Variants in FBXL7 observed in about 807,000 individuals in gnomAD.
The protein encoded by FBXL7 is F-box and leucine rich repeat protein 7, also known as F-box/LRR-repeat protein 7.
In FBXL7, 12 loss-of-function variants were observed where a neutral mutation model predicts 38.3. The ratio of observed to expected loss-of-function variants is 0.31; its 90% confidence interval spans 0.20 to 0.51. FBXL7 has a LOEUF of 0.51. Among genes scored for constraint, FBXL7 ranks in the 20% least tolerant of loss-of-function variants. The pLI is 0.98. For synonymous variants in FBXL7, 297 were observed against 300.9 expected, an observed-to-expected ratio of 0.99 and a Z score of 0.13; for missense variants, 567 against 676.4, an observed-to-expected ratio of 0.84 and a Z score of 1.79.
intron 1 of FBXL7, among the ~76,000 whole-genome samples, chr5:15,503,662 A>G (rs1391705793): frequency 6.6e-6 from 1 of 152,110 alleles, no homozygotes. Flanking sequence ...CTGTGAATCC[A>G]CTGTGATTCT....
chr5:15,799,848 T>G (rs939739041), intron 2 of FBXL7, among the ~76,000 whole-genome samples: 5 of 152,208 alleles, frequency 3.3e-5, no homozygotes, highest in African/African-American at 1.2e-4. Context: ...CATGAGAAAG[T>G]TGACCAGTTC....
At chr5:15,651,227 G>A (rs141910572) in intron 2 of FBXL7, among the ~76,000 whole-genome samples, 3,730 of 151,340 alleles carry the variant, frequency 0.025, 79 homozygotes, top group East Asian at 0.051. Flanking sequence ...CTCCTGAGTA[G>A]CTGGGACTAC....
Position 15,613,035 on chromosome 5 carries a change from A to T in FBXL7, c.38-2948A>T, listed in dbSNP as rs568677376. On this transcript the variant is annotated intron_variant, in intron 1 of 3. Coordinates refer to ENST00000504595, the MANE Select transcript of FBXL7 (RefSeq NM_012304.5). ...TATTATTGAATCAGAGCTAGAGCAT[A>T]TGGAGTTTATTTCTAGTTTTCCATT... Among the ~76,000 whole-genome samples the T allele has an allele frequency of 2.0e-5, 3 of 152,296 alleles. No individual in the cohort carries two copies. The South Asian group carries it at 6.2e-4, about 32-fold the overall frequency.
intron 1 of FBXL7, among the ~76,000 whole-genome samples, chr5:15,581,627 T>G (rs1739143512): frequency 6.6e-6 from 1 of 152,234 alleles, no homozygotes. Context: ...TTGAAACACT[T>G]AAGTCCTACT....
intron 2 of FBXL7, among the ~76,000 whole-genome samples, chr5:15,769,000 G>T (rs1736663162): frequency 6.6e-6 from 1 of 152,112 alleles, no homozygotes; most frequent in Non-Finnish European, 1.5e-5. Context: ...CCAAAATATT[G>T]GCATGATATT....
chr5:15,584,214 T>G (rs1388392449), intron 1 of FBXL7, among the ~76,000 whole-genome samples: 1 of 152,190 alleles, frequency 6.6e-6, no homozygotes, highest in African/African-American at 2.4e-5. Context: ...TGGGAGGGAC[T>G]GCGGTGAAAG....
chr5:15,935,320 G>T (rs1182519439), intron 3 of FBXL7: 1 of 442,620 alleles, frequency 2.3e-6, no homozygotes, highest in East Asian at 6.2e-5. Context: ...GTGGGGAATC[G>T]ACTGTAGGAG....
rs190924005 is a variant in FBXL7, at chr5:15,713,862, C to G, written c.127+97790C>G. Among the ~76,000 whole-genome samples, 7 of 152,260 alleles carry G rather than the reference C, an allele frequency of 4.6e-5. No homozygotes were observed. In the East Asian group the frequency reaches 1.4e-3, roughly 29 times the overall value. ...AAGTTTGGTGGATGATAAAAAGTCT[C>G]TATTATGTTACACTTAGCTGTACTT... On this transcript the variant is annotated intron_variant, in intron 2 of 3. Transcript: ENST00000504595.
intron 2 of FBXL7, among the ~76,000 whole-genome samples, chr5:15,662,614 AG>A (rs1400794569): frequency 2.0e-5 from 3 of 152,172 alleles, no homozygotes; most frequent in African/African-American, 7.2e-5. Flanking sequence ...ATTGTCTTCC[AG>A]GGTTTTTACA....
chr5:15,541,518 C>G lies in FBXL7; in HGVS notation c.37+40805C>G, dbSNP rs185921373. Among the ~76,000 whole-genome samples the G allele has an allele frequency of 4.8e-3, 620 of 129,898 alleles. 18 individuals are homozygous for G. Among genetic ancestry groups the G allele is most frequent in the African/African-American group, 0.018 (605 of 33,790 alleles). The allele number at this position is 129,898 out of a possible 152,430, so 85.2% of individuals were successfully genotyped here. ...ACAGAAGTATTGTTCCCATCTTACC[C>G]CCACCCCTATTCCCACTCACTCCTC... On this transcript the variant is annotated intron_variant, in intron 1 of 3. Transcript: ENST00000504595.
chr5:15,641,833 C>T (rs1189539144), intron 2 of FBXL7, among the ~76,000 whole-genome samples: 1 of 152,050 alleles, frequency 6.6e-6, no homozygotes, highest in Non-Finnish European at 1.5e-5. Context: ...TTGGATGGAT[C>T]TCCTCTAGTT....
rs569680507 is a variant in FBXL7 at position 15,863,277 on chromosome 5, T to C, written c.128-64613T>C. Among the ~76,000 whole-genome samples, 14 of 152,296 alleles carry C rather than the reference T, an allele frequency of 9.2e-5. 1 individual carries two copies. The highest frequency in any genetic ancestry group is 3.4e-4 in the African/African-American group (14 of 41,576). On this transcript the variant is annotated intron_variant, in intron 2 of 3. Coordinates refer to ENST00000504595, the MANE Select transcript of FBXL7 (RefSeq NM_012304.5). The stretch of plus-strand genomic sequence containing the variant: ...CTGAGGAAATCCCTAAAATTAAAGA[T>C]TTTCAGTGTTAACCTTTTCCACTTG...
chr5:15,850,746 A>C (rs1447407595), intron 2 of FBXL7, among the ~76,000 whole-genome samples: 2 of 152,176 alleles, frequency 1.3e-5, no homozygotes, highest in Admixed American at 6.5e-5. Context: ...TGTGACTTGA[A>C]ATCTGAATGT....
At chr5:15,606,520 G>A (rs1336871465) in intron 1 of FBXL7, among the ~76,000 whole-genome samples, 1 of 152,212 alleles carries the variant, frequency 6.6e-6, no homozygotes, top group South Asian at 2.1e-4. Context: ...CCCTGAGGCC[G>A]CTTATTAGAT....
At chr5:15,521,025 C>G (rs2126374056) in intron 1 of FBXL7, among the ~76,000 whole-genome samples, 1 of 152,298 alleles carries the variant, frequency 6.6e-6, no homozygotes, top group Non-Finnish European at 1.5e-5. Flanking sequence ...GTATGAGTTA[C>G]AACAGAGAGC....
At position 15,861,799 on chromosome 5, in the gene FBXL7, G is replaced by GGTC. The variant is rs760432013; in HGVS notation, c.128-66091_128-66090insGTC. 1.0e-3 allele frequency among the ~76,000 whole-genome samples: 153 copies of GGTC among 152,198 alleles called. 4 individuals carry two copies. Among genetic ancestry groups the GGTC allele is most frequent in the African/African-American group, 3.6e-3 (149 of 41,534 alleles). ...CTGGTGCAATGTGGCACATTGTTGG[G>GGTC]CTCCTTCTGAAAAACGTGGCACATG... On this transcript the variant is annotated intron_variant, in intron 2 of 3. Transcript: ENST00000504595.
chr5:15,928,574 C>T lies in FBXL7; in HGVS notation c.739+73C>T, dbSNP rs889712606. 3 of 1,521,114 alleles carry T rather than the reference C, an allele frequency of 2.0e-6. No homozygotes were observed. The highest frequency in any genetic ancestry group is 1.8e-6 in the Non-Finnish European group (2 of 1,134,058). 94.2% of individuals were successfully genotyped at this position (1,521,114 alleles called of 1,614,324 possible). ...CCTAAAACAGTGGGGACAGTGCCAC[C>T]ACCGGAGGGTCCTCTTCTTGCAAGC... On this transcript the variant is annotated intron_variant, in intron 3 of 3. Coordinates refer to ENST00000504595, the MANE Select transcript of FBXL7 (RefSeq NM_012304.5). This position sits in a 1 kb window ranked among gnomAD's most constrained non-coding sequence, Gnocchi z 4.0.
rs58989236 is a variant in FBXL7 at position 15,756,970 on chromosome 5, G to A, written c.127+140898G>A. ...AAAAATCAGGGCCAATAGTTTGAACGGAAGAGTAAATATGAAGGTTTTCTA... is the reference window on the plus strand; with the variant it reads ...AAAAATCAGGGCCAATAGTTTGAACAGAAGAGTAAATATGAAGGTTTTCTA... On this transcript the variant is annotated intron_variant, in intron 2 of 3. Coordinates refer to ENST00000504595, the MANE Select transcript of FBXL7 (RefSeq NM_012304.5). Among the ~76,000 whole-genome samples the A allele has an allele frequency of 4.2e-3, 646 of 152,258 alleles. 4 individuals are homozygous for A. Among genetic ancestry groups the A allele is most frequent in the African/African-American group, 0.014 (582 of 41,560 alleles).
chr5:15,868,978 T>G (rs1272933944), intron 2 of FBXL7, among the ~76,000 whole-genome samples: 1 of 152,140 alleles, frequency 6.6e-6, no homozygotes, highest in African/African-American at 2.4e-5. Flanking sequence ...TCTCTCACTG[T>G]CTTTGTGGGC....
Sources: gnomAD v4.1 joint callset for allele counts (sites outside exome capture counted in the v4.1 genomes callset) on GRCh38, gnomAD v4.1.1 for gene constraint, Gnocchi (gnomAD v3.1) non-coding constraint, MANE v1.5 for transcripts, NCBI Gene and HGNC (gene_info 2026-07-23, HGNC 2026-07-21) for gene names.